Variants in RMDN2 observed in about 807,000 individuals in gnomAD.
The protein encoded by RMDN2 is regulator of microtubule dynamics 2.
In RMDN2, 61 loss-of-function variants were observed where a neutral mutation model predicts 52.8. That is an observed-to-expected ratio of 1.16 (90% CI 0.94 to 1.43). The LOEUF (loss-of-function observed/expected upper bound fraction) is 1.43, where lower values mean the gene tolerates loss of function less well. Among genes scored for constraint, RMDN2 ranks in the 40% most tolerant of loss-of-function variants. The probability of loss-of-function intolerance (pLI) is 0.00; values close to 1 mark genes in which losing one functional copy is unlikely to be tolerated. For synonymous variants in RMDN2, 180 were observed against 153.1 expected, an observed-to-expected ratio of 1.18 and a Z score of -1.30; for missense variants, 592 against 475.3, an observed-to-expected ratio of 1.25 and a Z score of -2.28.
At chr2:37,947,815 C>A (rs1012498258) in intron 2 of RMDN2, among the ~76,000 whole-genome samples, 1 of 152,174 alleles carries the variant, frequency 6.6e-6, no homozygotes, top group Non-Finnish European at 1.5e-5. Flanking sequence ...CAAGTTAACT[C>A]AGTCAATTTT....
intron 10 of RMDN2, among the ~76,000 whole-genome samples, chr2:38,008,896 T>C (rs4544409): frequency 1 from 151,850 of 152,296 alleles, 75,703 homozygotes; most frequent in Middle Eastern, 1. Flanking sequence ...TTAGGGCAGG[T>C]CTGGTGGTGA....
At chr2:37,952,687 G>A (rs961275691) in intron 2 of RMDN2, 2 of 161,286 alleles carry the variant, frequency 1.2e-5, no homozygotes, top group African/African-American at 4.8e-5. Context: ...TATTTCTCAT[G>A]CCTGATGTTC....
rs149121670 is a variant in RMDN2, at chr2:38,056,411, C to T, written c.1714-10571C>T. Among the ~76,000 whole-genome samples the T allele has an allele frequency of 2.2e-4, 33 of 152,248 alleles. No individual in the cohort carries two copies. In the East Asian group the frequency reaches 3.9e-3, roughly 18 times the overall value. ...TCAATCACACTGTGTTGGGGCATGC[C>T]GGTGTGTCTCCTCAAACAGGAAATG... On this transcript the variant is annotated intron_variant, in intron 10 of 10. Coordinates refer to the RMDN2 transcript ENST00000234195.
intron 2 of RMDN2, 94 bp downstream of exon 2, chr2:37,929,823 C>A: frequency 1.3e-6 from 1 of 764,740 alleles, no homozygotes; most frequent in Non-Finnish European, 2.0e-6. Flanking sequence ...GTCATATATC[C>A]TGCTGCTCAC....
chr2:37,943,320 A>G (rs1388803697), intron 2 of RMDN2, among the ~76,000 whole-genome samples: 2 of 152,248 alleles, frequency 1.3e-5, no homozygotes, highest in Non-Finnish European at 2.9e-5. Context: ...GCAGGGAACC[A>G]GAGGACCAAG....
intron 5 of RMDN2, among the ~76,000 whole-genome samples, chr2:37,987,530 T>C (rs948186178): frequency 2.0e-5 from 3 of 151,970 alleles, no homozygotes; most frequent in African/African-American, 4.8e-5. Flanking sequence ...TTGCCAGGGG[T>C]TGCGGGGAGG....
At chr2:37,954,762 G>T (rs1452304252) in intron 2 of RMDN2, among the ~76,000 whole-genome samples, 1 of 152,062 alleles carries the variant, frequency 6.6e-6, no homozygotes, top group Non-Finnish European at 1.5e-5. Flanking sequence ...TTTTCAGAGG[G>T]ATTGCATTGC....
intron 2 of RMDN2, chr2:37,951,353 A>G: frequency 1.2e-6 from 2 of 1,613,268 alleles, no homozygotes; most frequent in Admixed American, 3.3e-5. Context: ...GTCATAAAAC[A>G]TCTTATTCCC....
intron 2 of RMDN2, among the ~76,000 whole-genome samples, chr2:37,941,223 G>A (rs751185505): frequency 2.6e-5 from 4 of 152,158 alleles, no homozygotes; most frequent in African/African-American, 4.8e-5. Flanking sequence ...CACCAGTGAA[G>A]GCTGCAGAAC....
At chr2:38,027,157 C>A (rs535758292) in intron 10 of RMDN2, 24 of 152,326 alleles carry the variant, frequency 1.6e-4, no homozygotes, top group African/African-American at 5.8e-4. Flanking sequence ...CTTTGGTCTC[C>A]CCATAGCCTC....
intron 10 of RMDN2, among the ~76,000 whole-genome samples, chr2:38,006,728 C>T (rs934670828): frequency 6.6e-6 from 1 of 152,172 alleles, no homozygotes; most frequent in African/African-American, 2.4e-5. Context: ...CTGGCCAGTA[C>T]TTCCAATACT....
intron 10 of RMDN2, among the ~76,000 whole-genome samples, chr2:38,007,771 T>G (rs1330009307): frequency 6.6e-6 from 1 of 152,200 alleles, no homozygotes; most frequent in Non-Finnish European, 1.5e-5. Flanking sequence ...TTACTCTTGC[T>G]TCTCTAGTTC....
In RMDN2 at chr2:38,051,786, C is replaced by T. The variant is rs181441882; in HGVS notation, c.1714-15196C>T. Among the ~76,000 whole-genome samples the T allele has an allele frequency of 5.3e-4, 80 of 152,280 alleles. 1 individual carries two copies. The East Asian group carries it at 0.015, about 28-fold the overall frequency. On this transcript the variant is annotated intron_variant, in intron 10 of 10. Coordinates refer to the RMDN2 transcript ENST00000234195. ...ATGAAGACATGAGATATTTGTCTTT[C>T]TGTGCCTGACTGATTTCACTCAACA...
At chr2:37,926,109 G>A (rs1457037392) in intron 1 of RMDN2, among the ~76,000 whole-genome samples, 1 of 152,110 alleles carries the variant, frequency 6.6e-6, no homozygotes, top group African/African-American at 2.4e-5. Context: ...TAAACCTCGG[G>A]CTTTTTTGTA....
chr2:38,019,951 A>G (rs747360814), downstream of RMDN2, among the ~76,000 whole-genome samples: 17 of 152,130 alleles, frequency 1.1e-4, no homozygotes, highest in Non-Finnish European at 2.2e-4. Context: ...ATTTTTTTTA[A>G]TTTAAAAATA....
intron 10 of RMDN2, among the ~76,000 whole-genome samples, chr2:38,011,016 C>G (rs929621309): frequency 3.3e-5 from 5 of 152,240 alleles, no homozygotes; most frequent in South Asian, 4.1e-4. Flanking sequence ...GGGAGTGAAG[C>G]AAGCATAATT....
chr2:37,943,916 C>G (rs930726103), intron 2 of RMDN2, among the ~76,000 whole-genome samples: 1 of 152,092 alleles, frequency 6.6e-6, no homozygotes, highest in Non-Finnish European at 1.5e-5. Flanking sequence ...GCCCCTCCCC[C>G]ACCACCTAAG....
intron 10 of RMDN2, among the ~76,000 whole-genome samples, chr2:38,010,506 G>C (rs549839716): frequency 6.6e-6 from 1 of 152,182 alleles, no homozygotes; most frequent in Non-Finnish European, 1.5e-5. Context: ...AGGACCCTCC[G>C]AGCCAGGAGA....
At chr2:37,926,199 A>C (rs1006605873) in intron 1 of RMDN2, among the ~76,000 whole-genome samples, 12 of 152,184 alleles carry the variant, frequency 7.9e-5, no homozygotes, top group Non-Finnish European at 1.6e-4. Context: ...TTCTCCTCTA[A>C]GGGTCTGCTG....
Sources: allele counts gnomAD v4.1 joint callset (sites outside exome capture counted in the v4.1 genomes callset), GRCh38; gene constraint gnomAD v4.1.1; transcripts MANE v1.5; gene names NCBI Gene and HGNC (gene_info 2026-07-23, HGNC 2026-07-21).